The following POLR2F variants were observed in gnomAD, a reference collection of about 807,000 sequenced individuals.
POLR2F encodes the protein DNA-directed RNA polymerases I, II, and III subunit RPABC2.
Under a neutral mutation model 22.7 loss-of-function variants are expected in POLR2F, and 12 were observed. That is an observed-to-expected ratio of 0.53 (90% CI 0.34 to 0.86). POLR2F has a LOEUF of 0.86. Among genes scored for constraint, POLR2F ranks in the 40% least tolerant of loss-of-function variants. The pLI, the probability that POLR2F is intolerant of heterozygous loss-of-function variation, is 0.02. For synonymous variants in POLR2F, 57 were observed against 66.0 expected (o/e 0.86, Z 0.66); for missense variants, 126 against 171.5 (o/e 0.73, Z 1.48).
chr22:38,010,370 G>A (rs376772641), intron 1 of POLR2F, among the ~76,000 whole-genome samples: 1 of 149,660 alleles, frequency 6.7e-6, no homozygotes, highest in South Asian at 2.1e-4. Flanking sequence ...GCAAGGCCTT[G>A]TCAAAAAAAA....
chr22:37,979,161 G>A (rs1017741304), intron 4 of POLR2F, among the ~76,000 whole-genome samples: 3 of 151,912 alleles, frequency 2.0e-5, no homozygotes, highest in Non-Finnish European at 2.9e-5. Context: ...GCCGTGATGC[G>A]GTCTCAGCTC....
intron 1 of POLR2F, among the ~76,000 whole-genome samples, chr22:38,025,411 C>T (rs1226794252): frequency 4.6e-5 from 7 of 152,100 alleles, no homozygotes; most frequent in Non-Finnish European, 1.0e-4. Flanking sequence ...ATACACATGC[C>T]CACAACTCAC....
intron 1 of POLR2F, among the ~76,000 whole-genome samples, chr22:38,025,355 C>T (rs1012243110): frequency 7.2e-5 from 11 of 152,058 alleles, no homozygotes; most frequent in Middle Eastern, 3.2e-3. Context: ...ACAATCACAA[C>T]GTACACACAC....
At chr22:37,984,500 C>T (rs1932511288), upstream of POLR2F, 1 of 152,750 alleles carries the variant, frequency 6.5e-6, no homozygotes, top group Non-Finnish European at 1.5e-5. The surrounding 1 kb of genome is among the most constrained non-coding windows in gnomAD (Gnocchi z 4.4). Flanking sequence ...AGGACGGAGC[C>T]TGAATCCTTA....
At chr22:37,988,212 C>T (rs1601891470) in intron 1 of POLR2F, 1 of 149,672 alleles carries the variant, frequency 6.7e-6, no homozygotes, top group East Asian at 2.0e-4. Flanking sequence ...CGCCTGTAAT[C>T]CCAGCTACTT....
In POLR2F at chr22:37,974,487, GAA is replaced by G. The variant is rs1184365183; in HGVS notation, c.293+7318_293+7319del. ...CCTGCCTCAGCCTCCTGAGTAGCTG[GAA>G]TTACAAGCGCCCACCACAATGCCCA... On this transcript the variant is annotated intron_variant, in intron 4 of 4. Coordinates refer to the POLR2F transcript ENST00000405557. The surrounding 1 kb of genome is among the most constrained non-coding windows in gnomAD (Gnocchi z 5.4). Among the ~76,000 whole-genome samples, 2 of 151,968 alleles carry G rather than the reference GAA, an allele frequency of 1.3e-5. No individual in the cohort carries two copies. Among genetic ancestry groups the G allele is most frequent in the Non-Finnish European group, 2.9e-5 (2 of 67,990 alleles).
At chr22:37,983,695 C>A (rs1208947053), upstream of POLR2F, 5 of 1,527,258 alleles carry the variant, frequency 3.3e-6, no homozygotes, top group Non-Finnish European at 4.4e-6. The surrounding 1 kb of genome is among the most constrained non-coding windows in gnomAD (Gnocchi z 9.5). Flanking sequence ...CGGGCCCTAG[C>A]GAGGGCGCGC....
downstream of POLR2F, chr22:38,041,183 G>A: frequency 6.2e-7 from 1 of 1,601,438 alleles, no homozygotes; most frequent in East Asian, 2.2e-5. Flanking sequence ...GGTGGGGACT[G>A]GTCAAGGCGG....
At chr22:37,995,115 G>C (rs1467431341) in intron 1 of POLR2F, among the ~76,000 whole-genome samples, 1 of 152,208 alleles carries the variant, frequency 6.6e-6, no homozygotes. Context: ...GGGGAAGCCA[G>C]CCACCCTCTC....
chr22:37,983,884 G>A (rs1932489571), upstream of POLR2F: 3 of 1,078,302 alleles, frequency 2.8e-6, no homozygotes, highest in East Asian at 4.3e-5. This position sits in a 1 kb window ranked among gnomAD's most constrained non-coding sequence, Gnocchi z 9.5. Flanking sequence ...TGGAAGGAGG[G>A]CGCGATGGAG....
upstream of POLR2F, chr22:37,983,308 TCCA>T (rs1932457671): frequency 6.4e-7 from 1 of 1,563,780 alleles, no homozygotes; most frequent in South Asian, 1.2e-5. The surrounding 1 kb of genome is among the most constrained non-coding windows in gnomAD (Gnocchi z 9.5). Context: ...CTACCCTGAA[TCCA>T]CCCGAAGCTA....
chr22:38,037,607 T>C (rs1469603201), intron 5 of POLR2F, among the ~76,000 whole-genome samples: 1 of 151,628 alleles, frequency 6.6e-6, no homozygotes, highest in Non-Finnish European at 1.5e-5. Flanking sequence ...TTTTTTTTTT[T>C]TTTGAGACGG....
At chr22:37,992,312 A>G (rs1932743344) in intron 1 of POLR2F, among the ~76,000 whole-genome samples, 1 of 152,044 alleles carries the variant, frequency 6.6e-6, no homozygotes, top group African/African-American at 2.4e-5. Flanking sequence ...AATGGTAGCT[A>G]TTGTTACCAG....
rs1354355992 is a variant in POLR2F, at chr22:37,980,512, T to G, written c.293+13342T>G. 6.6e-6 allele frequency among the ~76,000 whole-genome samples: 1 copy of G among 152,048 alleles called. No individual in the cohort carries two copies. The highest frequency in any genetic ancestry group is 1.5e-5 in the Non-Finnish European group (1 of 68,004). ...GACAGAAATCTAAGCCTGGGGCCAC[T>G]GCCATCCCCGACCCCAGCTCCCTCC... On this transcript the variant is annotated intron_variant, in intron 4 of 4. Coordinates refer to the POLR2F transcript ENST00000405557. The surrounding 1 kb of genome is among the most constrained non-coding windows in gnomAD (Gnocchi z 4.1).
downstream of POLR2F, among the ~76,000 whole-genome samples, chr22:38,030,161 T>C (rs1396102305): frequency 6.6e-6 from 1 of 152,032 alleles, no homozygotes; most frequent in Non-Finnish European, 1.5e-5. Flanking sequence ...GTCTGGACTT[T>C]TATTGGTGGC....
chr22:37,965,089 C>T (rs1226656069), intron 3 of POLR2F, among the ~76,000 whole-genome samples: 3 of 152,224 alleles, frequency 2.0e-5, no homozygotes, highest in South Asian at 2.1e-4. Context: ...TCACTGCAAC[C>T]TTCACCTCCT....
intron 5 of POLR2F, among the ~76,000 whole-genome samples, chr22:38,036,440 C>T (rs2085116906): frequency 6.6e-6 from 1 of 151,504 alleles, no homozygotes; most frequent in Non-Finnish European, 1.5e-5. Flanking sequence ...CTTCAGGGGC[C>T]TGGAAGCCCC....
upstream of POLR2F, chr22:37,983,648 G>T: frequency 6.3e-7 from 1 of 1,596,782 alleles, no homozygotes; most frequent in Non-Finnish European, 8.5e-7. This position sits in a 1 kb window ranked among gnomAD's most constrained non-coding sequence, Gnocchi z 9.5. Context: ...GCCTGGCCCC[G>T]GGCTGGCTCG....
At chr22:37,991,870 G>A (rs542712342) in intron 1 of POLR2F, among the ~76,000 whole-genome samples, 7 of 152,188 alleles carry the variant, frequency 4.6e-5, no homozygotes, top group African/African-American at 1.7e-4. Flanking sequence ...CCCTGCTGGG[G>A]TGTGGACTTG....
Sources: allele counts gnomAD v4.1 joint callset (sites outside exome capture counted in the v4.1 genomes callset), GRCh38; gene constraint gnomAD v4.1.1; non-coding constraint Gnocchi (gnomAD v3.1); transcripts MANE v1.5; gene names NCBI Gene and HGNC (gene_info 2026-07-23, HGNC 2026-07-21).